The following DGKD variants were observed in gnomAD, a reference collection of about 807,000 sequenced individuals.
The protein encoded by DGKD is diacylglycerol kinase delta.
A neutral mutation model predicts 154.4 loss-of-function variants in DGKD; 68 were observed. The observed-to-expected ratio is 0.44, with a 90% CI of 0.36 to 0.54. DGKD has a LOEUF of 0.54. Among genes scored for constraint, DGKD ranks in the 20% least tolerant of loss-of-function variants. The probability of loss-of-function intolerance (pLI) is 0.00; values close to 1 mark genes in which losing one functional copy is unlikely to be tolerated. For missense variants in DGKD, 1,343 were observed against 1,593.6 expected, an observed-to-expected ratio of 0.84 and a Z score of 2.68; for synonymous variants, 693 against 638.0, an observed-to-expected ratio of 1.09 and a Z score of -1.30.
intron 3 of DGKD, among the ~76,000 whole-genome samples, chr2:233,410,836 AC>A (rs5839484): frequency 0.089 from 13,483 of 152,242 alleles, 679 homozygotes; most frequent in African/African-American, 0.13. Context: ...AGTCAGGATA[AC>A]ATTTCCATCA....
chr2:233,383,654 G>A (rs536347138), intron 1 of DGKD, among the ~76,000 whole-genome samples: 3 of 152,274 alleles, frequency 2.0e-5, no homozygotes, highest in Admixed American at 2.0e-4. Context: ...CACGCGTGTG[G>A]TGTCCTTGGC....
At chr2:233,468,704 C>A (rs1460203751) in intron 29 of DGKD, 151 bp downstream of exon 29, 2 of 1,235,468 alleles carry the variant, frequency 1.6e-6, no homozygotes, top group Non-Finnish European at 2.2e-6. Context: ...CTGTGGCCCT[C>A]ATCTAGGCAG....
intron 3 of DGKD, among the ~76,000 whole-genome samples, chr2:233,427,337 CTTTTTTTTTTTT>C (rs35153949): frequency 1.2e-5 from 1 of 83,766 alleles, no homozygotes; most frequent in Admixed American, 1.4e-4. Flanking sequence ...TATTGCCCTG[CTTTTTTTTTTTT>C]TTTTTTTTTG....
intron 24 of DGKD, among the ~76,000 whole-genome samples, chr2:233,460,557 C>T (rs1007779156): frequency 2.6e-5 from 4 of 152,202 alleles, no homozygotes; most frequent in African/African-American, 9.7e-5. Flanking sequence ...TGGCTGGAAC[C>T]TAAAGCCCAC....
At chr2:233,461,374 G>A (rs966843604) in intron 24 of DGKD, among the ~76,000 whole-genome samples, 17 of 152,258 alleles carry the variant, frequency 1.1e-4, no homozygotes, top group Non-Finnish European at 1.5e-4. Flanking sequence ...CAGCCCTGGC[G>A]TGCAGATGGA....
chr2:233,419,305 G>C (rs768759473), intron 3 of DGKD: 1 of 985,412 alleles, frequency 1.0e-6, no homozygotes, highest in Non-Finnish European at 1.2e-6. Flanking sequence ...GCTCTACTTC[G>C]TAATCTGTAG....
At chr2:233,366,269 C>T (rs1441283297) in intron 1 of DGKD, among the ~76,000 whole-genome samples, 1 of 152,206 alleles carries the variant, frequency 6.6e-6, no homozygotes, top group African/African-American at 2.4e-5. Context: ...GAAAAGATGG[C>T]TCTAGCTGCG....
intron 3 of DGKD, among the ~76,000 whole-genome samples, chr2:233,391,230 A>G (rs546668387): frequency 6.6e-6 from 1 of 151,826 alleles, no homozygotes; most frequent in East Asian, 1.9e-4. Flanking sequence ...TTCCAAATTT[A>G]TAAAAGTTAT....
Position 233,440,628 on chromosome 2 carries a change from C to T in DGKD, c.1086-1259C>T, listed in dbSNP as rs368227572. Among the ~76,000 whole-genome samples, 4 of 152,002 alleles carry T rather than the reference C, an allele frequency of 2.6e-5. No individual in the cohort carries two copies. In the East Asian group the frequency reaches 5.8e-4, roughly 22 times the overall value. On this transcript the variant is annotated intron_variant, in intron 9 of 29. Coordinates refer to ENST00000264057, the MANE Select transcript of DGKD (RefSeq NM_152879.3). This position sits in a 1 kb window ranked among gnomAD's most constrained non-coding sequence, Gnocchi z 4.9. ...GCTGAGGGCACCGCTTGTGCAGAGG[C>T]GAGGCAAGAGGGAATGCAGTGGGGC...
intron 7 of DGKD, among the ~76,000 whole-genome samples, chr2:233,436,677 T>C (rs575411559): frequency 6.6e-6 from 1 of 152,270 alleles, no homozygotes; most frequent in Non-Finnish European, 1.5e-5. Flanking sequence ...TGTATTGTTA[T>C]GACAGATGTC....
chr2:233,394,690 CCTTTTTTTTTTTTTTTTTTTT>C (rs369073308), intron 3 of DGKD, among the ~76,000 whole-genome samples: 13,510 of 83,516 alleles, frequency 0.16, 1,102 homozygotes, highest in African/African-American at 0.25. Flanking sequence ...AATTTAATTC[CCTTTTTTTTTTTTTTTTTTTT>C]TTTTTTTTTT....
intron 16 of DGKD, among the ~76,000 whole-genome samples, chr2:233,450,636 C>CTG (rs1436547078): frequency 6.6e-6 from 1 of 152,212 alleles, no homozygotes; most frequent in African/African-American, 2.4e-5. Flanking sequence ...GAGAGCTCTG[C>CTG]TGTGTGTGTG....
intron 1 of DGKD, among the ~76,000 whole-genome samples, chr2:233,373,436 A>G (rs1020559584): frequency 2.0e-5 from 3 of 152,238 alleles, no homozygotes; most frequent in Non-Finnish European, 4.4e-5. Flanking sequence ...ACAAAAAGGC[A>G]TAACATGCTT....
In DGKD at chr2:233,354,511, C is replaced by T. The variant is rs1242016473; in HGVS notation, c.-8C>T. ...CCCCGCCCGCGGTGCGCGCGCTGGC[C>T]CGGCAGCATGGCGGCGGCGGCGGGC... On this transcript the variant is annotated 5_prime_UTR_variant, in exon 1 of 30. Transcript: ENST00000264057. This position sits in a 1 kb window ranked among gnomAD's most constrained non-coding sequence, Gnocchi z 4.8. The T allele has an allele frequency of 3.3e-4, 324 of 983,264 alleles. No individual in the cohort carries two copies. The highest frequency in any genetic ancestry group is 3.7e-4 in the Non-Finnish European group (306 of 830,188). 60.9% of individuals were successfully genotyped at this position (983,264 alleles called of 1,614,324 possible).
At chr2:233,428,204 G>GCAC (rs1485205524) in intron 3 of DGKD, among the ~76,000 whole-genome samples, 1 of 152,172 alleles carries the variant, frequency 6.6e-6, no homozygotes, top group Non-Finnish European at 1.5e-5. Context: ...TCGCCAGGAG[G>GCAC]GGTGTGCTGA....
chr2:233,390,376 T>G, intron 2 of DGKD, 27 bp from the exon 3 acceptor site: 1 of 1,599,374 alleles, frequency 6.3e-7, no homozygotes, highest in South Asian at 1.1e-5. Context: ...TTTATGTGCC[T>G]TAGTCCCTGT....
At chr2:233,467,030 A>G (rs2063844232) in intron 27 of DGKD, 56 bp from the exon 28 acceptor site, 1 of 1,400,182 alleles carries the variant, frequency 7.1e-7, no homozygotes, top group Non-Finnish European at 1.0e-6. Context: ...GGAGATGGGC[A>G]TGAGGCCGTG....
chr2:233,435,610 A>G (rs999055931), intron 5 of DGKD, among the ~76,000 whole-genome samples: 14 of 152,330 alleles, frequency 9.2e-5, no homozygotes, highest in African/African-American at 3.1e-4. Context: ...TGTTACAGAA[A>G]GCTTACTGAT....
chr2:233,377,105 G>A (rs1204988095), intron 1 of DGKD, among the ~76,000 whole-genome samples: 3 of 136,080 alleles, frequency 2.2e-5, no homozygotes, highest in Non-Finnish European at 4.6e-5. Flanking sequence ...TTTTGGAGAC[G>A]GAGTTTCACT....
Sources: allele counts gnomAD v4.1 joint callset (sites outside exome capture counted in the v4.1 genomes callset), GRCh38; gene constraint gnomAD v4.1.1; non-coding constraint Gnocchi (gnomAD v3.1); transcripts MANE v1.5; gene names NCBI Gene and HGNC (gene_info 2026-07-23, HGNC 2026-07-21).